Variants in ASZ1 observed in about 807,000 individuals in gnomAD.
ASZ1 encodes ankyrin repeat, SAM and basic leucine zipper domain-containing protein 1.
Under a neutral mutation model 61.8 loss-of-function variants are expected in ASZ1, and 67 were observed. The observed-to-expected ratio is 1.08, with a 90% CI of 0.89 to 1.33. The LOEUF is 1.33. ASZ1 is among the 40% of genes most tolerant of loss of function. The pLI is 0.00. For synonymous variants in ASZ1, 193 were observed against 192.7 expected (o/e 1.00, Z -0.01); for missense variants, 577 against 554.5 (o/e 1.04, Z -0.41).
Position 117,368,413 on chromosome 7 carries a change from A to G in ASZ1, c.1161+199T>C, listed in dbSNP as rs77096994. On this transcript the variant is annotated intron_variant, in intron 11 of 12. Coordinates refer to ENST00000284629, the MANE Select transcript of ASZ1 (RefSeq NM_130768.3). ...GTCTGACTCATTTTCTTTTTCTTGA[A>G]GGCAAGAATACAAAGTTTTAAAATC... 4.6e-3 allele frequency: 5,640 copies of G among 1,236,598 alleles called. 208 individuals carry two copies. In the African/African-American group the frequency reaches 0.081, roughly 18 times the overall value. 76.6% of individuals were successfully genotyped at this position (1,236,598 alleles called of 1,614,324 possible). A position where few individuals can be genotyped will look rare whatever the true frequency, so the allele number is the denominator to read the frequency against.
chr7:117,391,471 T>G (rs182066853), intron 4 of ASZ1, among the ~76,000 whole-genome samples: 1 of 152,212 alleles, frequency 6.6e-6, no homozygotes, highest in Non-Finnish European at 1.5e-5. Flanking sequence ...CATCTTGAAT[T>G]GATTTCTGCA....
In ASZ1 at chr7:117,386,216, C is replaced by T. The variant is rs116710645; in HGVS notation, c.441-407G>A. Reference sequence around the variant, plus strand: ...ATTTGCTAATACTAAATGCTTATTACATTTTATTTAGAGGATTGCTGAAAC... The same window carrying T: ...ATTTGCTAATACTAAATGCTTATTATATTTTATTTAGAGGATTGCTGAAAC... On this transcript the variant is annotated intron_variant, in intron 4 of 12. Coordinates refer to ENST00000284629, the MANE Select transcript of ASZ1 (RefSeq NM_130768.3). Among the ~76,000 whole-genome samples the T allele has an allele frequency of 6.2e-3, 940 of 152,258 alleles. 10 individuals carry two copies. The highest frequency in any genetic ancestry group is 0.022 in the African/African-American group (899 of 41,560).
At chr7:117,399,555 A>G (rs1472369449) in intron 4 of ASZ1, among the ~76,000 whole-genome samples, 1 of 152,226 alleles carries the variant, frequency 6.6e-6, no homozygotes, top group African/African-American at 2.4e-5. Flanking sequence ...TTAAAAATCA[A>G]TGACATTAAG....
intron 4 of ASZ1, among the ~76,000 whole-genome samples, chr7:117,390,408 A>C (rs563618558): frequency 6.6e-6 from 1 of 152,078 alleles, no homozygotes; most frequent in Non-Finnish European, 1.5e-5. Context: ...GCCTCTAGCG[A>C]GCCTCCCAGC....
At position 117,419,829 on chromosome 7, in the gene ASZ1, C is replaced by T. The variant is rs556545190; in HGVS notation, c.440+334G>A. 3.0e-3 allele frequency among the ~76,000 whole-genome samples: 464 copies of T among 152,254 alleles called. 2 individuals are homozygous for T. Among genetic ancestry groups the T allele is most frequent in the Non-Finnish European group, 4.6e-3 (313 of 67,992 alleles). On this transcript the variant is annotated intron_variant, in intron 4 of 12. Transcript: ENST00000284629. ...AATTGTTTAGTTGTTAAATGTTATA[C>T]AGAGAGAACATTAAAAGGCTTTACT...
At position 117,392,457 on chromosome 7, in the gene ASZ1, TA is replaced by T. The variant is rs1325075943; in HGVS notation, c.441-6649del. 2.6e-5 allele frequency among the ~76,000 whole-genome samples: 4 copies of T among 152,300 alleles called. No homozygotes were observed. The East Asian group carries it at 7.7e-4, about 29-fold the overall frequency. ...ATTATTTCATTTTTTGCAGTTCTTG[TA>T]AATGGAACTGCACTCTTGATTTGGT... On this transcript the variant is annotated intron_variant, in intron 4 of 12. Transcript: ENST00000284629.
At chr7:117,418,677 G>A (rs997566100) in intron 4 of ASZ1, among the ~76,000 whole-genome samples, 4 of 146,376 alleles carry the variant, frequency 2.7e-5, no homozygotes, top group African/African-American at 1.0e-4. Context: ...ATGTTTGCAG[G>A]TAGGCCAGTT....
At position 117,384,846 on chromosome 7, in the gene ASZ1, T is replaced by C; in HGVS notation, c.567A>G (p.Ala189=). The change falls in exon 6 of 13, where the codon GCA becomes GCG. Residue 189 remains alanine (A), a synonymous_variant. Transcript: ENST00000284629. ...DENGYTALTW[A]ARQGHKNIVL... ...CTATATTTTTATGACCCTGACGTGCTGCCCACGTTAAAGCCTGTAAGTAGG... is the reference window on the plus strand; with the variant it reads ...CTATATTTTTATGACCCTGACGTGCCGCCCACGTTAAAGCCTGTAAGTAGG... 2 of 1,599,524 alleles carry C rather than the reference T, an allele frequency of 1.3e-6. No individual in the cohort carries two copies. Among genetic ancestry groups the C allele is most frequent in the Non-Finnish European group, 1.7e-6 (2 of 1,174,646 alleles).
intron 4 of ASZ1, among the ~76,000 whole-genome samples, chr7:117,410,268 T>C (rs2116517308): frequency 6.6e-6 from 1 of 151,780 alleles, no homozygotes; most frequent in South Asian, 2.1e-4. Flanking sequence ...GTGAAACAAA[T>C]TTTCTTATCT....
intron 4 of ASZ1, 41 bp from the exon 5 acceptor site, chr7:117,385,850 C>A: frequency 7.0e-7 from 1 of 1,428,314 alleles, no homozygotes; most frequent in Non-Finnish European, 9.9e-7. Context: ...GTTAATGCTG[C>A]CATTAATCTC....
At position 117,427,373 on chromosome 7, in the gene ASZ1, G is replaced by C; in HGVS notation, c.88C>G (p.Leu30Val). The C allele has an allele frequency of 1.2e-6, 2 of 1,614,206 alleles. No homozygotes were observed. Among genetic ancestry groups the C allele is most frequent in the Non-Finnish European group, 1.7e-6 (2 of 1,180,024 alleles). Reference protein sequence around the residue: ...SEDDGWEIGYLDRTSQKLKRL... With the variant: ...SEDDGWEIGYVDRTSQKLKRL... ...TCCGCTACCTGAGACGTCCGGTCGA[G>C]ATACCCAATCTCCCAGCCATCATCC... The change falls in exon 1 of 13, where the codon CTC (leucine) becomes GTC (valine). Residue 30 changes from leucine to valine, a missense_variant. Transcript: ENST00000284629.
At chr7:117,380,155 G>A (rs1796222586) in intron 9 of ASZ1, 108 bp from the exon 10 acceptor site, 3 of 672,146 alleles carry the variant, frequency 4.5e-6, no homozygotes, top group South Asian at 1.9e-5. Context: ...TGAAAAAATA[G>A]GCATATATTG....
chr7:117,392,239 A>G (rs1796484400), intron 4 of ASZ1, among the ~76,000 whole-genome samples: 1 of 152,152 alleles, frequency 6.6e-6, no homozygotes, highest in Admixed American at 6.5e-5. Context: ...GTGATCACGG[A>G]ATTCTTTTTC....
At chr7:117,367,229 C>A in intron 12 of ASZ1, 123 bp downstream of exon 12, 1 of 735,756 alleles carries the variant, frequency 1.4e-6, no homozygotes, top group East Asian at 3.5e-5. Flanking sequence ...GGAAACTGTC[C>A]TTTTTCCCAC....
At chr7:117,423,701 A>G (rs1421374101) in intron 2 of ASZ1, among the ~76,000 whole-genome samples, 3 of 150,156 alleles carry the variant, frequency 2.0e-5, no homozygotes, top group Non-Finnish European at 4.4e-5. Flanking sequence ...AAAAAAAAAA[A>G]AAAAAAAAAA....
In ASZ1 at chr7:117,426,809, C is replaced by T. The variant is rs199551796; in HGVS notation, c.205+27G>A. On this transcript the variant is annotated intron_variant, in intron 2 of 12. Coordinates refer to ENST00000284629, the MANE Select transcript of ASZ1 (RefSeq NM_130768.3). ...CTTGCGAACTTAAGACAGCTGTGTT[C>T]AGATGAAACTGTCCCTTATCTCTCA... is the stretch of plus-strand genomic sequence containing the variant. 59 of 1,554,508 alleles carry T rather than the reference C, an allele frequency of 3.8e-5. No individual in the cohort carries two copies. In the East Asian group the frequency reaches 1.3e-3, roughly 33 times the overall value.
At position 117,363,664 on chromosome 7, in the gene ASZ1, T is replaced by A; in HGVS notation, c.1360A>T (p.Thr454Ser). 6.2e-7 allele frequency: 1 copy of A among 1,610,334 alleles called. No individual in the cohort carries two copies. Residue 454 changes from threonine to serine, a missense_variant, in exon 13 of 13, where the codon ACA becomes TCA. Transcript: ENST00000284629. ...CCGAATCCGCATATGGTAATAGCTG[T>A]CCTCTTCAAAATTCTACTATTCCAT... ...STWNSRILKR[T>S]AITICGFGFL...
intron 10 of ASZ1, among the ~76,000 whole-genome samples, chr7:117,370,713 A>G (rs144324249): frequency 5.7e-4 from 86 of 152,204 alleles, no homozygotes; most frequent in African/African-American, 1.9e-3. Flanking sequence ...AGAGTTGACA[A>G]GTGTATTAGA....
intron 10 of ASZ1, among the ~76,000 whole-genome samples, chr7:117,378,801 TAAAC>T (rs1053262153): frequency 4.6e-5 from 7 of 151,938 alleles, no homozygotes; most frequent in African/African-American, 1.2e-4. Context: ...GATAAATGGT[TAAAC>T]AAACTGTGGT....
Sources: gnomAD v4.1 joint callset for allele counts (sites outside exome capture counted in the v4.1 genomes callset) on GRCh38, gnomAD v4.1.1 for gene constraint, MANE v1.5 for transcripts, NCBI Gene and HGNC (gene_info 2026-07-23, HGNC 2026-07-21) for gene names.